Variants in MAGT1 observed in about 807,000 individuals in gnomAD.
The protein encoded by MAGT1 is dolichyl-diphosphooligosaccharide--protein glycosyltransferase subunit MAGT1.
In MAGT1, 4 loss-of-function variants were observed where a neutral mutation model predicts 28.4. That is an observed-to-expected ratio of 0.14 (90% CI 0.07 to 0.32). The LOEUF (loss-of-function observed/expected upper bound fraction) is 0.32. Among genes scored for constraint, MAGT1 ranks in the 10% least tolerant of loss-of-function variants. The probability of loss-of-function intolerance (pLI) is 1.00; values close to 1 mark genes in which losing one functional copy is unlikely to be tolerated. For missense variants in MAGT1, 193 were observed against 264.5 expected (o/e 0.73, Z 1.88); for synonymous variants, 89 against 89.7 (o/e 0.99, Z 0.04).
intron 2 of MAGT1, among the ~76,000 whole-genome samples, chrX:77,874,012 T>C (rs1478049354): frequency 9.2e-6 from 1 of 108,628 alleles, no homozygotes; most frequent in Non-Finnish European, 1.9e-5. Flanking sequence ...TGAGACAGGG[T>C]CTTGGTCTGT....
chrX:77,879,196 A>AACAGG (rs2077044231), intron 1 of MAGT1, among the ~76,000 whole-genome samples: 1 of 17,318 alleles, frequency 5.8e-5, no homozygotes, highest in South Asian at 1.4e-3. Context: ...AGCTGGGATT[A>AACAGG]CAGGCACACG....
chrX:77,845,273 C>T (rs1166490556), intron 7 of MAGT1, among the ~76,000 whole-genome samples: 1 of 110,356 alleles, frequency 9.1e-6, no homozygotes, highest in East Asian at 2.8e-4. Flanking sequence ...CAACCCCTGC[C>T]TTTGTTTTCC....
At chrX:77,830,929 G>A in intron 8 of MAGT1, 34 bp from the exon 9 acceptor site, 1 of 766,053 alleles carries the variant, frequency 1.3e-6, no homozygotes, top group African/African-American at 2.1e-5. Context: ...AAAATGAGCA[G>A]GTTGAGTATA....
At chrX:77,860,368 G>A (rs1382339886) in intron 3 of MAGT1, among the ~76,000 whole-genome samples, 2 of 111,195 alleles carry the variant, frequency 1.8e-5, no homozygotes, top group Admixed American at 9.6e-5. Flanking sequence ...CATTACAGGC[G>A]TGAGTCACCA....
Position 77,879,711 on chromosome X carries a change from C to T in MAGT1, c.103-4114G>A, listed in dbSNP as rs782420819. On this transcript the variant is annotated intron_variant, in intron 1 of 9. Transcript: ENST00000618282. Reference sequence around the variant, plus strand: ...TCAGTGAAATTTAACTGGGAATTGACTGACTTGCTTACATTAACATGTAAG... The same window carrying T: ...TCAGTGAAATTTAACTGGGAATTGATTGACTTGCTTACATTAACATGTAAG... Among the ~76,000 whole-genome samples the T allele has an allele frequency of 3.6e-5, 4 of 110,832 alleles. No homozygotes were observed. The South Asian group carries it at 1.5e-3, about 42-fold the overall frequency.
At chrX:77,883,066 ATAT>A (rs1945547976) in intron 1 of MAGT1, among the ~76,000 whole-genome samples, 1 of 99,180 alleles carries the variant, frequency 1.0e-5, no homozygotes, top group East Asian at 2.9e-4. Flanking sequence ...TAATATAATA[ATAT>A]AATATAATTA....
At chrX:77,837,582 C>T (rs1239326222) in intron 8 of MAGT1, among the ~76,000 whole-genome samples, 2 of 110,698 alleles carry the variant, frequency 1.8e-5, no homozygotes, top group African/African-American at 6.6e-5. Context: ...GCTGGGACTA[C>T]AAGTGCGTTG....
At chrX:77,868,491 G>T (rs28631378) in intron 3 of MAGT1, 3 of 150,210 alleles carry the variant, frequency 2.0e-5, no homozygotes, top group Non-Finnish European at 3.9e-5. Flanking sequence ...ACAAAAAGTA[G>T]CCAGGCGTGG....
chrX:77,867,127 G>A (rs1270279144), intron 3 of MAGT1, among the ~76,000 whole-genome samples: 4 of 66,852 alleles, frequency 6.0e-5, no homozygotes, highest in African/African-American at 1.4e-4. Context: ...GGCTGTGCAT[G>A]AAATACTTTC....
At chrX:77,893,465 C>T (rs1477525632) in intron 1 of MAGT1, among the ~76,000 whole-genome samples, 1 of 111,281 alleles carries the variant, frequency 9.0e-6, no homozygotes, top group Non-Finnish European at 1.9e-5. Context: ...CAATTCAGTG[C>T]TGATTCCTTT....
At chrX:77,883,006 TTA>T (rs1158685647) in intron 1 of MAGT1, among the ~76,000 whole-genome samples, 6 of 100,567 alleles carry the variant, frequency 6.0e-5, no homozygotes, top group Admixed American at 3.7e-4. Flanking sequence ...TTATATATAT[TTA>T]TATATATAAA....
Position 77,830,970 on chromosome X carries a change from TTTTTATTTTATTTTATTTTA to T in MAGT1, c.902-95_902-76del, listed in dbSNP as rs201564456. 0.39 allele frequency: 71,021 copies of T among 181,886 alleles called. 16,420 individuals carry two copies. Among genetic ancestry groups the T allele is most frequent in the Admixed American group, 0.47 (5,304 of 11,218 alleles). The allele number at this position is 181,886 out of a possible 1,213,427, so 15.0% of individuals were successfully genotyped here. ...TAACCATGGCAGTCTATACTTTCTT[TTTTTATTTTATTTTATTTTA>T]TTTTATTTTATTTTATTTTATTTTA... On this transcript the variant is annotated intron_variant, in intron 8 of 9. Transcript: ENST00000618282.
At chrX:77,843,662 A>G (rs1474305880) in intron 7 of MAGT1, among the ~76,000 whole-genome samples, 1 of 111,818 alleles carries the variant, frequency 8.9e-6, no homozygotes. Context: ...AGGTTTGTGC[A>G]AAGATTGATC....
chrX:77,894,051 G>A (rs1235057920), intron 1 of MAGT1, among the ~76,000 whole-genome samples: 1 of 112,056 alleles, frequency 8.9e-6, no homozygotes, highest in Non-Finnish European at 1.9e-5. Context: ...TCCTTACAGA[G>A]ATTTCTCTAT....
intron 1 of MAGT1, among the ~76,000 whole-genome samples, chrX:77,884,011 C>T (rs2077060544): frequency 9.1e-6 from 1 of 109,772 alleles, no homozygotes; most frequent in Non-Finnish European, 1.9e-5. Context: ...TGGCCAACAT[C>T]GTGAAACCCC....
At chrX:77,878,335 T>C (rs1230378953) in intron 1 of MAGT1, among the ~76,000 whole-genome samples, 3 of 84,873 alleles carry the variant, frequency 3.5e-5, no homozygotes, top group Non-Finnish European at 6.7e-5. Flanking sequence ...TAGCCGGGCA[T>C]GGTGGTGCAC....
At position 77,828,765 on chromosome X, in the gene MAGT1, G is replaced by A. The variant is rs2076890176; in HGVS notation, c.*455C>T. 1 of 123,020 alleles carries A rather than the reference G, an allele frequency of 8.1e-6. No homozygotes were observed. The highest frequency in any genetic ancestry group is 2.5e-4 in the East Asian group (1 of 4,035). 10.1% of individuals were successfully genotyped at this position (123,020 alleles called of 1,213,427 possible). A position where few individuals can be genotyped will look rare whatever the true frequency, so the allele number is the denominator to read the frequency against. ...CGTAAAGTATACACATCCACACAAA[G>A]ATGAAGAAGCTAAGAATGAATTCCT... is the stretch of plus-strand genomic sequence containing the variant. On this transcript the variant is annotated 3_prime_UTR_variant, in exon 10 of 10. Coordinates refer to ENST00000618282, the MANE Select transcript of MAGT1 (RefSeq NM_001367916.1).
chrX:77,846,585 T>A (rs1361185734), intron 7 of MAGT1, among the ~76,000 whole-genome samples: 1 of 112,092 alleles, frequency 8.9e-6, no homozygotes, highest in African/African-American at 3.2e-5. Context: ...TGGTCTTTGA[T>A]GATGGTGACA....
At chrX:77,868,642 A>G in intron 3 of MAGT1, 1 of 309,945 alleles carries the variant, frequency 3.2e-6, no homozygotes, top group Non-Finnish European at 6.3e-6. Flanking sequence ...ATCTCAAAAA[A>G]CCTGAAACTA....
Sources: allele counts gnomAD v4.1 joint callset (sites outside exome capture counted in the v4.1 genomes callset), GRCh38; gene constraint gnomAD v4.1.1; transcripts MANE v1.5; gene names NCBI Gene and HGNC (gene_info 2026-07-23, HGNC 2026-07-21).